Variants in ABCG2 observed in about 807,000 individuals in gnomAD.
ABCG2 encodes the protein ATP binding cassette subfamily G member 2 (JR blood group), also known as broad substrate specificity ATP-binding cassette transporter ABCG2.
Under a neutral mutation model 73.5 loss-of-function variants are expected in ABCG2, and 80 were observed. The ratio of observed to expected loss-of-function variants is 1.09; its 90% CI spans 0.91 to 1.31. The LOEUF (loss-of-function observed/expected upper bound fraction) is 1.31, where lower values mean the gene tolerates loss of function less well. ABCG2 is among the 50% of genes most tolerant of loss of function. The pLI is 0.00. For missense variants in ABCG2, 796 were observed against 786.2 expected, an observed-to-expected ratio of 1.01 and a Z score of -0.15; for synonymous variants, 269 against 282.4, an observed-to-expected ratio of 0.95 and a Z score of 0.48.
chr4:88,138,096 T>C (rs1725374607), intron 2 of ABCG2, among the ~76,000 whole-genome samples: 1 of 152,156 alleles, frequency 6.6e-6, no homozygotes, highest in Non-Finnish European at 1.5e-5. Flanking sequence ...GAGTGAGCTA[T>C]GATTGCAGCA....
intron 15 of ABCG2, among the ~76,000 whole-genome samples, chr4:88,093,287 C>T (rs576964625): frequency 2.0e-5 from 3 of 152,036 alleles, no homozygotes; most frequent in East Asian, 1.9e-4. Flanking sequence ...AGGTGGATCA[C>T]GAGGTCAGGA....
chr4:88,123,870 T>A (rs1724193271), intron 5 of ABCG2, among the ~76,000 whole-genome samples: 1 of 151,924 alleles, frequency 6.6e-6, no homozygotes, highest in Admixed American at 6.6e-5. Context: ...ATCAGATTCA[T>A]GAAGGTTGAA....
intron 1 of ABCG2, among the ~76,000 whole-genome samples, chr4:88,208,992 A>C (rs1729482834): frequency 6.6e-6 from 1 of 151,852 alleles, no homozygotes; most frequent in African/African-American, 2.4e-5. Flanking sequence ...ACAGAGCGAG[A>C]CTGTCTCAAA....
chr4:88,112,138 T>C (rs555380041), intron 9 of ABCG2, among the ~76,000 whole-genome samples: 4 of 151,038 alleles, frequency 2.6e-5, no homozygotes, highest in African/African-American at 9.7e-5. Context: ...CAAGGAGTAA[T>C]AATCACCAAC....
chr4:88,171,362 A>T (rs886358941), intron 1 of ABCG2, among the ~76,000 whole-genome samples: 7 of 34,700 alleles, frequency 2.0e-4, no homozygotes, highest in African/African-American at 1.1e-3. Context: ...TGGAAATTTA[A>T]AAAAAAAATG....
chr4:88,210,949 C>T (rs976346586), intron 1 of ABCG2, among the ~76,000 whole-genome samples: 2 of 151,922 alleles, frequency 1.3e-5, no homozygotes, highest in Non-Finnish European at 2.9e-5. Context: ...CCATGTTCTG[C>T]CCCTGTATTC....
chr4:88,109,470 C>G (rs1453791882), intron 9 of ABCG2, among the ~76,000 whole-genome samples: 1 of 152,130 alleles, frequency 6.6e-6, no homozygotes, highest in African/African-American at 2.4e-5. Context: ...ATCCCGTAAC[C>G]TTGGCATGCT....
intron 1 of ABCG2, among the ~76,000 whole-genome samples, chr4:88,229,669 T>C (rs1730372956): frequency 6.6e-6 from 1 of 152,130 alleles, no homozygotes; most frequent in Non-Finnish European, 1.5e-5. Flanking sequence ...ATTCTCCTTT[T>C]CTCCCCACTT....
rs59257608 is a variant in ABCG2 at position 88,115,232 on chromosome 4, G to GTCTCTCTCTCTCTCTTTCTCTCTCTC, written c.842-175_842-174insGAGAGAGAGAAAGAGAGAGAGAGAGA. On this transcript the variant is annotated intron_variant, in intron 7 of 15. Coordinates refer to ENST00000237612, the MANE Select transcript of ABCG2 (RefSeq NM_004827.3). ...TTTACCCTTTCTTTTTATATATTCA[G>GTCTCTCTCTCTCTCTTTCTCTCTCTC]TCTCTCTCTCTCTCTCTCTCTCTCT... Among the ~76,000 whole-genome samples the GTCTCTCTCTCTCTCTTTCTCTCTCTC allele has an allele frequency of 6.9e-5, 2 of 28,970 alleles. 1 individual carries two copies. 19.0% of individuals were successfully genotyped at this position (28,970 alleles called of 152,430 possible).
intron 10 of ABCG2, among the ~76,000 whole-genome samples, chr4:88,105,743 C>T (rs776553096): frequency 1.3e-5 from 2 of 152,170 alleles, no homozygotes; most frequent in Non-Finnish European, 2.9e-5. Flanking sequence ...ACTATCAATA[C>T]TGAAAAGACA....
At chr4:88,109,734 T>C (rs1344522614) in intron 9 of ABCG2, among the ~76,000 whole-genome samples, 2 of 152,202 alleles carry the variant, frequency 1.3e-5, no homozygotes, top group Non-Finnish European at 2.9e-5. Context: ...AAATAACTAG[T>C]TCAAGCCAAA....
At chr4:88,152,070 A>G (rs1726531001) in intron 1 of ABCG2, among the ~76,000 whole-genome samples, 1 of 152,202 alleles carries the variant, frequency 6.6e-6, no homozygotes. Context: ...TACCAAAATT[A>G]TAATATTAGG....
chr4:88,148,479 T>A lies in ABCG2; in HGVS notation c.-19-8465A>T, dbSNP rs74430151. ...GACCATCAAAAGGGTGCAGCGTGCC[T>A]GATCAGGAGCTAAGACTTGACCCTG... is the stretch of plus-strand genomic sequence containing the variant. On this transcript the variant is annotated intron_variant, in intron 1 of 15. Coordinates refer to ENST00000237612, the MANE Select transcript of ABCG2 (RefSeq NM_004827.3). Among the ~76,000 whole-genome samples the A allele has an allele frequency of 1.6e-3, 251 of 152,168 alleles. 1 individual carries two copies. The highest frequency in any genetic ancestry group is 5.6e-3 in the African/African-American group (234 of 41,522).
At position 88,139,986 on chromosome 4, in the gene ABCG2, T is replaced by C; in HGVS notation, c.10A>G (p.Ser4Gly). MSS[S>G]NVEVFIPVSQ... is the part of the protein sequence containing the mutation. ...ACTGGGATAAAAACTTCGACATTAC[T>C]GGAAGACATCTGGAGAGTTTTTATC... Residue 4 changes from serine (S) to glycine (G), a missense_variant, in exon 2 of 16, where the codon AGT becomes GGT. Coordinates refer to ENST00000237612, the MANE Select transcript of ABCG2 (RefSeq NM_004827.3). 1 of 1,613,940 alleles carries C rather than the reference T, an allele frequency of 6.2e-7. No homozygotes were observed.
intron 1 of ABCG2, among the ~76,000 whole-genome samples, chr4:88,200,224 G>T (rs181520571): frequency 6.6e-6 from 1 of 152,042 alleles, no homozygotes; most frequent in Admixed American, 6.5e-5. Flanking sequence ...GCTACTTGGG[G>T]GGCTGAGATG....
intron 7 of ABCG2, among the ~76,000 whole-genome samples, chr4:88,115,859 T>C (rs1009134863): frequency 6.6e-6 from 1 of 152,106 alleles, no homozygotes. Context: ...GCCAGAATGA[T>C]AGAACCCACA....
At chr4:88,205,606 T>C (rs188675418) in intron 1 of ABCG2, among the ~76,000 whole-genome samples, 2 of 152,348 alleles carry the variant, frequency 1.3e-5, no homozygotes, top group African/African-American at 4.8e-5. Flanking sequence ...TTTACAATGT[T>C]TGAGGAATCT....
At chr4:88,169,728 T>G (rs1727681136) in intron 1 of ABCG2, among the ~76,000 whole-genome samples, 1 of 152,116 alleles carries the variant, frequency 6.6e-6, no homozygotes, top group Non-Finnish European at 1.5e-5. Flanking sequence ...CGTTTCTTCC[T>G]CAAGCAGATG....
chr4:88,135,082 T>C (rs530197354), intron 2 of ABCG2, among the ~76,000 whole-genome samples: 2 of 152,284 alleles, frequency 1.3e-5, no homozygotes, highest in East Asian at 1.9e-4. Flanking sequence ...CACAGACGCA[T>C]GGCCCACAAA....
Sources: allele counts gnomAD v4.1 joint callset (sites outside exome capture counted in the v4.1 genomes callset), GRCh38; gene constraint gnomAD v4.1.1; transcripts MANE v1.5; gene names NCBI Gene and HGNC (gene_info 2026-07-23, HGNC 2026-07-21).